PRR5L: variants seen among roughly 807,000 people sequenced by gnomAD.
PRR5L encodes the protein proline-rich protein 5-like.
Under a neutral mutation model 36.4 loss-of-function variants are expected in PRR5L, and 21 were observed. That is an observed-to-expected ratio of 0.58 (90% CI 0.41 to 0.83). The LOEUF is 0.83. Ranked by LOEUF, PRR5L falls within the 40% of genes least tolerant of loss-of-function variation. The probability of loss-of-function intolerance (pLI) is 0.00; values close to 1 mark genes in which losing one functional copy is unlikely to be tolerated. For synonymous variants in PRR5L, 188 were observed against 197.0 expected (o/e 0.95, Z 0.38); for missense variants, 381 against 473.3 (o/e 0.80, Z 1.81).
intron 8 of PRR5L, among the ~76,000 whole-genome samples, chr11:36,461,527 G>A (rs1042931179): frequency 3.9e-5 from 6 of 152,172 alleles, no homozygotes. Context: ...GGAGGCTGAG[G>A]TGGGAGAATC....
intron 1 of PRR5L, among the ~76,000 whole-genome samples, chr11:36,356,408 A>T (rs970501066): frequency 6.6e-6 from 1 of 152,134 alleles, no homozygotes; most frequent in Non-Finnish European, 1.5e-5. Context: ...GTGAGGCCTC[A>T]AGGGAGTTGA....
intron 1 of PRR5L, among the ~76,000 whole-genome samples, chr11:36,343,866 C>T (rs1856839972): frequency 6.6e-6 from 1 of 151,914 alleles, no homozygotes; most frequent in Non-Finnish European, 1.5e-5. Flanking sequence ...GGTTCTAAAG[C>T]CCATGCTCTT....
chr11:36,459,354 G>T (rs1859130993), intron 8 of PRR5L, among the ~76,000 whole-genome samples: 1 of 152,194 alleles, frequency 6.6e-6, no homozygotes. Flanking sequence ...CCATGTGAAG[G>T]TGGGAGAGCA....
intron 1 of PRR5L, among the ~76,000 whole-genome samples, chr11:36,364,726 A>T (rs1857126915): frequency 6.6e-6 from 1 of 152,142 alleles, no homozygotes; most frequent in African/African-American, 2.4e-5. Context: ...CAGCTCCTAG[A>T]GGCTGGCTGT....
chr11:36,362,191 G>A (rs1303579923), intron 1 of PRR5L: 5 of 152,070 alleles, frequency 3.3e-5, no homozygotes, highest in African/African-American at 9.7e-5. Context: ...TGTAGGCAAG[G>A]GAGAATGCTT....
chr11:36,434,618 T>C (rs966912622), intron 5 of PRR5L, among the ~76,000 whole-genome samples: 2 of 152,220 alleles, frequency 1.3e-5, no homozygotes, highest in Non-Finnish European at 2.9e-5. Context: ...ACCTATATAC[T>C]TCTGGTGACC....
rs1322757527 is a variant in PRR5L, at chr11:36,377,335, G to T, written c.-125-23662G>T. On this transcript the variant is annotated intron_variant, in intron 1 of 8. Transcript: ENST00000530639. This position sits in a 1 kb window ranked among gnomAD's most constrained non-coding sequence, Gnocchi z 5.1. ...TGTGAGCAAGCCCTGGGACGGCCCGGCTGCGGACCCCGCGCTGGGAGTCCG... is the reference window on the plus strand; with the variant it reads ...TGTGAGCAAGCCCTGGGACGGCCCGTCTGCGGACCCCGCGCTGGGAGTCCG... Among the ~76,000 whole-genome samples, 1 of 152,198 alleles carries T rather than the reference G, an allele frequency of 6.6e-6. No homozygotes were observed. The highest frequency in any genetic ancestry group is 6.5e-5 in the Admixed American group (1 of 15,290).
At chr11:36,444,163 T>A (rs546109097) in intron 6 of PRR5L, among the ~76,000 whole-genome samples, 2 of 152,292 alleles carry the variant, frequency 1.3e-5, no homozygotes, top group South Asian at 4.1e-4. Context: ...ACACAGTGTG[T>A]TCACACAGTG....
At chr11:36,433,533 C>T (rs747851864) in intron 5 of PRR5L, among the ~76,000 whole-genome samples, 3 of 152,118 alleles carry the variant, frequency 2.0e-5, no homozygotes, top group Non-Finnish European at 4.4e-5. Context: ...CTTGCTTTGA[C>T]CAAGAATTTA....
At chr11:36,308,772 G>A (rs768477717) in intron 1 of PRR5L, among the ~76,000 whole-genome samples, 2 of 152,172 alleles carry the variant, frequency 1.3e-5, no homozygotes, top group Non-Finnish European at 2.9e-5. Context: ...GATCAGATAT[G>A]ACTCTATCAG....
chr11:36,461,349 G>A lies in PRR5L; in HGVS notation c.713-993G>A, dbSNP rs528117873. ...TCAAAAGCAGCAGTTTAGGCCGGAC[G>A]TGGTGGCTCACACCTTTAATCCCAG... On this transcript the variant is annotated intron_variant, in intron 8 of 8. Transcript: ENST00000530639. 3.3e-5 allele frequency among the ~76,000 whole-genome samples: 5 copies of A among 152,284 alleles called. No individual in the cohort carries two copies. The East Asian group carries it at 7.7e-4, about 24-fold the overall frequency.
Position 36,403,388 on chromosome 11 carries a change from A to C in PRR5L, c.245+10A>C, listed in dbSNP as rs772619132. The C allele has an allele frequency of 6.2e-7, 1 of 1,612,214 alleles. No individual in the cohort carries two copies. Among genetic ancestry groups the C allele is most frequent in the Admixed American group, 1.7e-5 (1 of 59,984 alleles). On this transcript the variant is annotated intron_variant, in intron 3 of 8. Coordinates refer to ENST00000530639, the MANE Select transcript of PRR5L (RefSeq NM_001160167.2). ...TGAACGAAAACATCAGGTATGTGGC[A>C]GGCCAGACTTGGTGCCATTTTCCCC...
intron 1 of PRR5L, among the ~76,000 whole-genome samples, chr11:36,340,125 G>A (rs1856804558): frequency 6.6e-6 from 1 of 152,194 alleles, no homozygotes; most frequent in African/African-American, 2.4e-5. Flanking sequence ...GCTGCAGTCT[G>A]GAGCCCCCCT....
chr11:36,405,510 C>T lies in PRR5L; in HGVS notation c.245+2132C>T, dbSNP rs144158931. 7.9e-5 allele frequency among the ~76,000 whole-genome samples: 12 copies of T among 152,104 alleles called. No individual in the cohort carries two copies. The South Asian group carries it at 1.0e-3, about 13-fold the overall frequency. ...GTTGAGTCCCAGAAAATGCTAGGTG[C>T]CTTTCTCCTCCATCAACACATTCAA... On this transcript the variant is annotated intron_variant, in intron 3 of 8. Transcript: ENST00000530639.
At chr11:36,346,326 G>A (rs1159253431) in intron 1 of PRR5L, among the ~76,000 whole-genome samples, 2 of 152,156 alleles carry the variant, frequency 1.3e-5, no homozygotes, top group African/African-American at 4.8e-5. Flanking sequence ...GCTCATGCCT[G>A]TAATCCCAGC....
intron 1 of PRR5L, among the ~76,000 whole-genome samples, chr11:36,363,022 G>C (rs145105547): frequency 6.6e-6 from 1 of 152,188 alleles, no homozygotes; most frequent in Non-Finnish European, 1.5e-5. Flanking sequence ...GTGCACCCAG[G>C]TTCACATGGC....
At chr11:36,317,509 G>A (rs1028833507) in intron 1 of PRR5L, among the ~76,000 whole-genome samples, 2 of 152,138 alleles carry the variant, frequency 1.3e-5, no homozygotes, top group African/African-American at 2.4e-5. Context: ...GAGATTTGTC[G>A]CTTTTCCTAC....
chr11:36,430,105 C>G (rs1858462112), intron 4 of PRR5L, among the ~76,000 whole-genome samples: 1 of 151,970 alleles, frequency 6.6e-6, no homozygotes. Context: ...GGTGTTCTAT[C>G]TGCCATCTTG....
intron 1 of PRR5L, chr11:36,388,161 A>G (rs1360949005): frequency 2.0e-5 from 3 of 152,258 alleles, no homozygotes; most frequent in Non-Finnish European, 2.9e-5. Flanking sequence ...TCTTCCTTTC[A>G]TCTACTTTTC....
Sources: gnomAD v4.1 joint callset for allele counts (sites outside exome capture counted in the v4.1 genomes callset) on GRCh38, gnomAD v4.1.1 for gene constraint, Gnocchi (gnomAD v3.1) non-coding constraint, MANE v1.5 for transcripts, NCBI Gene and HGNC (gene_info 2026-07-23, HGNC 2026-07-21) for gene names.